Variants in CDKAL1 observed in about 807,000 individuals in gnomAD.
The protein encoded by CDKAL1 is threonylcarbamoyladenosine tRNA methylthiotransferase.
CDKAL1 carries 32 observed loss-of-function variants against 68.2 expected under a neutral mutation model. The observed-to-expected ratio is 0.47, with a 90% CI of 0.35 to 0.63. CDKAL1 has a LOEUF of 0.63. Among genes scored for constraint, CDKAL1 ranks in the 30% least tolerant of loss-of-function variants. CDKAL1 has a pLI of 0.00. For synonymous variants in CDKAL1, 234 were observed against 244.3 expected, an observed-to-expected ratio of 0.96 and a Z score of 0.39; for missense variants, 606 against 696.7, an observed-to-expected ratio of 0.87 and a Z score of 1.47.
rs199754503 is a variant in CDKAL1, at chr6:20,546,398, C to A, written c.48C>A (p.Ile16=). The A allele has an allele frequency of 3.7e-6, 6 of 1,613,702 alleles. No individual in the cohort carries two copies. The East Asian group carries it at 8.9e-5, about 24-fold the overall frequency. Residue 16 remains isoleucine, a synonymous_variant, in exon 3 of 16, where the codon ATC becomes ATA. Coordinates refer to ENST00000274695, the MANE Select transcript of CDKAL1 (RefSeq NM_017774.3). ...CACTACTGGATGACATCGAAGATAT[C>A]GTGTCTCAGGAAGATTCAAAACCAC... The part of the protein sequence containing the change: ...CDTLLDDIED[I]VSQEDSKPQD...
intron 9 of CDKAL1, among the ~76,000 whole-genome samples, chr6:20,935,047 C>T (rs912509981): frequency 6.6e-6 from 1 of 151,882 alleles, no homozygotes; most frequent in African/African-American, 2.4e-5. Context: ...AGGCACGTGC[C>T]AACACACCCA....
At chr6:20,548,518 G>T in intron 3 of CDKAL1, 75 bp from the exon 4 acceptor site, 2 of 744,710 alleles carry the variant, frequency 2.7e-6, no homozygotes. Flanking sequence ...GGGCAACAGA[G>T]CAAGACCCTG....
chr6:21,065,033 CTTG>C lies in CDKAL1; in HGVS notation c.1056-12_1056-10del, dbSNP rs1771356587. On this transcript the variant is annotated splice_polypyrimidine_tract_variant and intron_variant, in intron 11 of 15. Coordinates refer to ENST00000274695, the MANE Select transcript of CDKAL1 (RefSeq NM_017774.3). ...TATAGTCAAGTTTTTACATTTTTGT[CTTG>C]TTATTTTCTAGAGTTCCTGGAATAA... 1 of 1,494,566 alleles carries C rather than the reference CTTG, an allele frequency of 6.7e-7. No individual in the cohort carries two copies. Among genetic ancestry groups the C allele is most frequent in the East Asian group, 2.4e-5 (1 of 41,420 alleles). The allele number at this position is 1,494,566 out of a possible 1,614,324, so 92.6% of individuals were successfully genotyped here. A position where few individuals can be genotyped will look rare whatever the true frequency, so the allele number is the denominator to read the frequency against.
chr6:20,904,959 A>C (rs531954388), intron 9 of CDKAL1, among the ~76,000 whole-genome samples: 29 of 152,316 alleles, frequency 1.9e-4, no homozygotes, highest in African/African-American at 6.7e-4. Flanking sequence ...AAGCCGCAGC[A>C]AACCCTTGGG....
intron 9 of CDKAL1, among the ~76,000 whole-genome samples, chr6:20,953,594 A>AT (rs1472320960): frequency 6.6e-6 from 1 of 152,194 alleles, no homozygotes; most frequent in Non-Finnish European, 1.5e-5. Flanking sequence ...GTTAAAAAAA[A>AT]GATTGTATGA....
At chr6:20,900,608 C>T (rs1761915237) in intron 9 of CDKAL1, among the ~76,000 whole-genome samples, 1 of 152,292 alleles carries the variant, frequency 6.6e-6, no homozygotes, top group Middle Eastern at 3.4e-3. Context: ...AAAGAGTTTC[C>T]CCCTGAAACA....
intron 9 of CDKAL1, among the ~76,000 whole-genome samples, chr6:20,869,236 A>G (rs1203960372): frequency 3.9e-5 from 6 of 152,230 alleles, no homozygotes; most frequent in African/African-American, 7.2e-5. Flanking sequence ...TTTCTTTTTA[A>G]GTAAAGCTAA....
chr6:20,565,568 T>C (rs1383832944), intron 4 of CDKAL1, among the ~76,000 whole-genome samples: 1 of 152,166 alleles, frequency 6.6e-6, no homozygotes, highest in Admixed American at 6.5e-5. Flanking sequence ...AAATGTTCAC[T>C]CTTCTAGCAG....
intron 5 of CDKAL1, among the ~76,000 whole-genome samples, chr6:20,721,725 G>GTTTTTTTTTTTTTTTTTTTTTTTT (rs145893325): frequency 1.5e-5 from 1 of 67,376 alleles, no homozygotes; most frequent in Non-Finnish European, 2.7e-5. Context: ...ACCAACTTCT[G>GTTTTTTTTTTTTTTTTTTTTTTTT]TTTTTTTTTT....
intron 8 of CDKAL1, among the ~76,000 whole-genome samples, chr6:20,844,687 TA>T (rs35541206): frequency 1.4e-5 from 2 of 146,820 alleles, no homozygotes. Context: ...CCGTTTCTAT[TA>T]AAAAAAAAAA....
chr6:21,069,774 CTTTTTTTTTTTT>C (rs60241965), intron 12 of CDKAL1, among the ~76,000 whole-genome samples: 1,844 of 69,972 alleles, frequency 0.026, 85 homozygotes, highest in African/African-American at 0.1. Flanking sequence ...GATTTTCTTT[CTTTTTTTTTTTT>C]TTTTTTTTTT....
At chr6:20,775,788 T>G (rs1013825804) in intron 7 of CDKAL1, among the ~76,000 whole-genome samples, 2 of 152,212 alleles carry the variant, frequency 1.3e-5, no homozygotes, top group African/African-American at 4.8e-5. Flanking sequence ...GGTTTATGGA[T>G]TTAAGGAATT....
chr6:20,951,475 A>C (rs183250764), intron 9 of CDKAL1, among the ~76,000 whole-genome samples: 42 of 152,238 alleles, frequency 2.8e-4, no homozygotes, highest in Admixed American at 2.0e-3. Context: ...TCAGATTGCT[A>C]TGGCGCAGAG....
chr6:21,231,244 G>GC lies in CDKAL1; in HGVS notation c.*206dup. On this transcript the variant is annotated 3_prime_UTR_variant, in exon 16 of 16. Transcript: ENST00000274695. ...TTATTTGACCTAAAACCTAATCACC[G>GC]CTACCATAGCACATCCTTCAAATTA... is the stretch of plus-strand genomic sequence containing the variant. 2.4e-6 allele frequency: 1 copy of GC among 411,378 alleles called. No homozygotes were observed. Among genetic ancestry groups the GC allele is most frequent in the Non-Finnish European group, 4.3e-6 (1 of 231,930 alleles). 25.5% of individuals were successfully genotyped at this position (411,378 alleles called of 1,614,324 possible). A position where few individuals can be genotyped will look rare whatever the true frequency, so the allele number is the denominator to read the frequency against.
At chr6:20,947,241 C>G (rs2150710109) in intron 9 of CDKAL1, among the ~76,000 whole-genome samples, 1 of 152,266 alleles carries the variant, frequency 6.6e-6, no homozygotes, top group South Asian at 2.1e-4. Context: ...TGCTCCTCGA[C>G]TTATGATGGG....
intron 8 of CDKAL1, among the ~76,000 whole-genome samples, chr6:20,824,377 TA>T (rs1777412005): frequency 6.6e-6 from 1 of 152,158 alleles, no homozygotes; most frequent in Non-Finnish European, 1.5e-5. Context: ...AGCTCGGGCA[TA>T]ATTTAGGGTC....
At chr6:21,095,528 G>A (rs1773270636) in intron 12 of CDKAL1, among the ~76,000 whole-genome samples, 1 of 152,064 alleles carries the variant, frequency 6.6e-6, no homozygotes, top group Non-Finnish European at 1.5e-5. Flanking sequence ...CTCTTGCTTT[G>A]CTCTTCTGTA....
At chr6:20,891,994 C>G (rs1761430502) in intron 9 of CDKAL1, among the ~76,000 whole-genome samples, 2 of 152,098 alleles carry the variant, frequency 1.3e-5, no homozygotes, top group South Asian at 2.1e-4. Context: ...CATGTCTTGC[C>G]TCTTCTGCAC....
intron 4 of CDKAL1, among the ~76,000 whole-genome samples, chr6:20,580,865 C>T (rs1025878824): frequency 1.3e-5 from 2 of 151,988 alleles, no homozygotes; most frequent in Non-Finnish European, 2.9e-5. Flanking sequence ...TCTCGGCTTA[C>T]TGCAACCTCC....
Sources: gnomAD v4.1 joint callset for allele counts (sites outside exome capture counted in the v4.1 genomes callset) on GRCh38, gnomAD v4.1.1 for gene constraint, MANE v1.5 for transcripts, NCBI Gene and HGNC (gene_info 2026-07-23, HGNC 2026-07-21) for gene names.